The following DYM variants were observed in gnomAD, a reference collection of about 807,000 sequenced individuals.
DYM encodes the protein dymeclin.
A neutral mutation model predicts 93.1 loss-of-function variants in DYM; 78 were observed. The observed-to-expected ratio is 0.84, with a 90% CI of 0.70 to 1.01. DYM has a LOEUF of 1.01. Ranked by LOEUF, DYM falls within the 50% of genes least tolerant of loss-of-function variation. DYM has a pLI of 0.00. For synonymous variants in DYM, 321 were observed against 319.7 expected, an observed-to-expected ratio of 1.00 and a Z score of -0.04; for missense variants, 789 against 845.0, an observed-to-expected ratio of 0.93 and a Z score of 0.82.
rs35671085 is a variant in DYM at position 49,454,907 on chromosome 18, C to CAAA, written c.-54+5488_-54+5490dup. Reference sequence around the variant, plus strand: ...TGGGTGATAGAGCGAGACTCTGTCTCAAAAAAAAAAAAAAAAAAAAAAAAT... The same window carrying CAAA: ...TGGGTGATAGAGCGAGACTCTGTCTCAAAAAAAAAAAAAAAAAAAAAAAAAAAT... On this transcript the variant is annotated intron_variant, in intron 1 of 17. Transcript: ENST00000675505. Among the ~76,000 whole-genome samples the CAAA allele has an allele frequency of 1.4e-3, 101 of 73,216 alleles. 1 individual carries two copies. The East Asian group carries it at 0.017, about 12-fold the overall frequency. 48.0% of individuals were successfully genotyped at this position (73,216 alleles called of 152,430 possible).
intron 17 of DYM, chr18:49,048,089 G>A (rs1005655131): frequency 1.3e-5 from 2 of 152,254 alleles, no homozygotes; most frequent in African/African-American, 4.8e-5. Context: ...CAGAGTTCTG[G>A]CCACCCTAAT....
intron 10 of DYM, among the ~76,000 whole-genome samples, chr18:49,278,593 A>G (rs1359874347): frequency 2.0e-5 from 3 of 152,214 alleles, no homozygotes; most frequent in Admixed American, 6.6e-5. Context: ...AAGTGGATAC[A>G]CAACCCAAGA....
chr18:49,073,470 T>C (rs941218240), intron 17 of DYM, among the ~76,000 whole-genome samples: 5 of 151,490 alleles, frequency 3.3e-5, no homozygotes, highest in African/African-American at 1.2e-4. Context: ...AATAGTCAAA[T>C]GAACACTTGA....
At chr18:49,147,087 A>C (rs1035106390) in intron 15 of DYM, among the ~76,000 whole-genome samples, 7 of 151,948 alleles carry the variant, frequency 4.6e-5, no homozygotes, top group African/African-American at 1.7e-4. Flanking sequence ...CAAAAACAAG[A>C]AATGGGGAAA....
intron 16 of DYM, among the ~76,000 whole-genome samples, chr18:49,111,002 T>G (rs1480962783): frequency 6.6e-6 from 1 of 152,238 alleles, no homozygotes; most frequent in Non-Finnish European, 1.5e-5. Flanking sequence ...TCTTTGTCTG[T>G]CACATGTTTT....
chr18:49,103,984 T>A (rs1237073808), intron 16 of DYM, among the ~76,000 whole-genome samples: 1 of 152,152 alleles, frequency 6.6e-6, no homozygotes, highest in African/African-American at 2.4e-5. Context: ...TGGCATTGAA[T>A]CTCTAAATTA....
chr18:49,212,181 T>C (rs1179615720), intron 13 of DYM, among the ~76,000 whole-genome samples: 1 of 152,118 alleles, frequency 6.6e-6, no homozygotes, highest in Non-Finnish European at 1.5e-5. Flanking sequence ...TGAGGGACCA[T>C]TCCAGATTAA....
At chr18:49,378,799 C>G in intron 4 of DYM, 99 bp from the exon 5 acceptor site, 1 of 1,249,840 alleles carries the variant, frequency 8.0e-7, no homozygotes. Flanking sequence ...ACCGTTTTGT[C>G]CATCCTATTG....
chr18:49,359,223 C>T (rs1164827229), intron 6 of DYM, among the ~76,000 whole-genome samples: 2 of 152,110 alleles, frequency 1.3e-5, no homozygotes, highest in African/African-American at 4.8e-5. Flanking sequence ...AAATCAAAGG[C>T]AAGGATTTGC....
chr18:49,180,216 G>A (rs931934234), intron 14 of DYM, among the ~76,000 whole-genome samples: 2 of 151,998 alleles, frequency 1.3e-5, no homozygotes, highest in Non-Finnish European at 1.5e-5. Context: ...CTTTTTTCTT[G>A]ATAAGAGATA....
In DYM at chr18:49,279,999, C is replaced by T. The variant is rs2094931554; in HGVS notation, c.1125+1998G>A. Reference sequence around the variant, plus strand: ...CCAAATACTGGGAGAATCCTGCTATCAACCTGTAAAAACTGGTACAGAGGG... The same window carrying T: ...CCAAATACTGGGAGAATCCTGCTATTAACCTGTAAAAACTGGTACAGAGGG... On this transcript the variant is annotated intron_variant, in intron 10 of 17. Coordinates refer to ENST00000675505, the MANE Select transcript of DYM (RefSeq NM_001353214.3). 1.3e-5 allele frequency among the ~76,000 whole-genome samples: 2 copies of T among 152,184 alleles called. 1 individual carries two copies. The highest frequency in any genetic ancestry group is 4.1e-4 in the South Asian group (2 of 4,822).
chr18:49,335,839 G>A (rs2063620974), intron 6 of DYM, among the ~76,000 whole-genome samples: 1 of 151,752 alleles, frequency 6.6e-6, no homozygotes, highest in African/African-American at 2.4e-5. Context: ...TTGGAGACAG[G>A]GTCTGTGTCT....
chr18:49,405,009 T>A (rs1464646062), intron 2 of DYM, among the ~76,000 whole-genome samples: 10 of 102,346 alleles, frequency 9.8e-5, no homozygotes, highest in Non-Finnish European at 1.9e-4. Flanking sequence ...TGAGACTCCA[T>A]CTCAAAAAAA....
At chr18:49,203,585 TGTCCACTCAGGGTTAA>T (rs1169552142) in intron 14 of DYM, among the ~76,000 whole-genome samples, 1 of 143,032 alleles carries the variant, frequency 7.0e-6, no homozygotes, top group African/African-American at 2.6e-5. Context: ...ACATGTGCTG[TGTCCACTCAGGGTTAA>T]ATGGTTTAAG....
chr18:49,279,266 T>G (rs1179294968), intron 10 of DYM, among the ~76,000 whole-genome samples: 1 of 152,244 alleles, frequency 6.6e-6, no homozygotes, highest in African/African-American at 2.4e-5. Context: ...CAGGCAGGTC[T>G]GCCTCCAGCC....
At chr18:49,216,950 T>C (rs905563077) in intron 13 of DYM, among the ~76,000 whole-genome samples, 1 of 152,132 alleles carries the variant, frequency 6.6e-6, no homozygotes, top group African/African-American at 2.4e-5. Context: ...ACAATCAAAG[T>C]ACTCCGAGCT....
intron 13 of DYM, among the ~76,000 whole-genome samples, chr18:49,244,545 G>A (rs1424645221): frequency 6.6e-6 from 1 of 152,152 alleles, no homozygotes; most frequent in African/African-American, 2.4e-5. Flanking sequence ...CACAGGTGTA[G>A]GTTTAAATAC....
chr18:49,277,002 G>C (rs2094859951), intron 10 of DYM, among the ~76,000 whole-genome samples: 1 of 152,168 alleles, frequency 6.6e-6, no homozygotes, highest in Non-Finnish European at 1.5e-5. Context: ...GGTTGGATAT[G>C]GGGGAATGAG....
intron 2 of DYM, among the ~76,000 whole-genome samples, chr18:49,405,518 G>A (rs1163366748): frequency 6.6e-6 from 1 of 152,044 alleles, no homozygotes; most frequent in Non-Finnish European, 1.5e-5. Context: ...TATGATTTTT[G>A]TCCGCTTTGA....
Sources: gnomAD v4.1 joint callset for allele counts (sites outside exome capture counted in the v4.1 genomes callset) on GRCh38, gnomAD v4.1.1 for gene constraint, MANE v1.5 for transcripts, NCBI Gene and HGNC (gene_info 2026-07-23, HGNC 2026-07-21) for gene names.